Variants in ZEB2 observed in about 807,000 individuals in gnomAD.
ZEB2 encodes zinc finger E-box binding homeobox 2, also known as zinc finger E-box-binding homeobox 2.
Under a neutral mutation model 99.9 loss-of-function variants are expected in ZEB2, and 6 were observed. The observed-to-expected ratio is 0.06, with a 90% CI of 0.03 to 0.12. The LOEUF (loss-of-function observed/expected upper bound fraction) is 0.12. ZEB2 is among the 10% of genes least tolerant of loss of function. ZEB2 has a pLI of 1.00. For synonymous variants in ZEB2, 517 were observed against 542.5 expected, an observed-to-expected ratio of 0.95 and a Z score of 0.65; for missense variants, 969 against 1,502.8, an observed-to-expected ratio of 0.64 and a Z score of 5.87.
chr2:144,477,012 T>C (rs1704439366), intron 2 of ZEB2, among the ~76,000 whole-genome samples: 1 of 152,206 alleles, frequency 6.6e-6, no homozygotes, highest in Non-Finnish European at 1.5e-5. Flanking sequence ...CTCAAATAAA[T>C]ATTGTTCTTA....
At chr2:144,450,168 G>A (rs1349286285) in intron 2 of ZEB2, 2 of 151,858 alleles carry the variant, frequency 1.3e-5, no homozygotes, top group Non-Finnish European at 2.9e-5. Flanking sequence ...TATACCACTG[G>A]ATCTACTATG....
chr2:144,490,887 A>G (rs1267916759), intron 2 of ZEB2, among the ~76,000 whole-genome samples: 1 of 152,246 alleles, frequency 6.6e-6, no homozygotes, highest in Non-Finnish European at 1.5e-5. Flanking sequence ...TAATTTTCCT[A>G]AGGAATTTTA....
intron 4 of ZEB2, among the ~76,000 whole-genome samples, chr2:144,421,781 A>T (rs1453629867): frequency 3.3e-5 from 5 of 151,352 alleles, no homozygotes; most frequent in Non-Finnish European, 7.4e-5. Flanking sequence ...GTCCTGTGTG[A>T]TCTTGAACAT....
chr2:144,407,644 C>T (rs1703406423), intron 4 of ZEB2, among the ~76,000 whole-genome samples: 1 of 152,198 alleles, frequency 6.6e-6, no homozygotes, highest in African/African-American at 2.4e-5. Flanking sequence ...TTTTGAGTAA[C>T]TTCACTGATT....
rs1175345863 is a variant in ZEB2 at position 144,513,045 on chromosome 2, A to T, written c.73+4233T>A. 3.1e-6 allele frequency: 4 copies of T among 1,287,124 alleles called. No individual in the cohort carries two copies. In the African/African-American group the frequency reaches 6.1e-5, roughly 20 times the overall value. 79.7% of individuals were successfully genotyped at this position (1,287,124 alleles called of 1,614,324 possible). ...GATCCGAAGGAAACTTCCTTGTCTA[A>T]GTGTGTATGACTCTCGTTGCCCCAT... On this transcript the variant is annotated intron_variant, in intron 2 of 9. Transcript: ENST00000627532.
At chr2:144,462,710 G>A (rs1293556500) in intron 2 of ZEB2, 2 of 152,164 alleles carry the variant, frequency 1.3e-5, no homozygotes, top group Non-Finnish European at 2.9e-5. Context: ...TAACTTCAAT[G>A]CCCTCCATGA....
intron 2 of ZEB2, among the ~76,000 whole-genome samples, chr2:144,439,910 C>T (rs1703883454): frequency 6.6e-6 from 1 of 152,094 alleles, no homozygotes; most frequent in Non-Finnish European, 1.5e-5. Context: ...TTTTTTCCTT[C>T]CCCACCAGAA....
intron 4 of ZEB2, among the ~76,000 whole-genome samples, chr2:144,407,835 T>C (rs1703409249): frequency 6.6e-6 from 1 of 152,250 alleles, no homozygotes; most frequent in Admixed American, 6.5e-5. Context: ...TAAACATAGA[T>C]GGATGTACAT....
chr2:144,393,200 G>A (rs1051086666), intron 9 of ZEB2, among the ~76,000 whole-genome samples: 42 of 152,090 alleles, frequency 2.8e-4, no homozygotes, highest in Admixed American at 2.6e-3. Flanking sequence ...CATTTACATA[G>A]TGTTTCCCTC....
At chr2:144,468,434 T>G (rs1265847972) in intron 2 of ZEB2, among the ~76,000 whole-genome samples, 1 of 152,162 alleles carries the variant, frequency 6.6e-6, no homozygotes, top group African/African-American at 2.4e-5. Context: ...CTCTTTCCAG[T>G]TTTTCTTATG....
At chr2:144,454,646 T>C (rs750439244) in intron 2 of ZEB2, among the ~76,000 whole-genome samples, 1 of 152,182 alleles carries the variant, frequency 6.6e-6, no homozygotes, top group Admixed American at 6.5e-5. Flanking sequence ...TTTTGATTAA[T>C]ATTGCAGTTC....
At chr2:144,491,357 G>GA (rs200783690) in intron 2 of ZEB2, among the ~76,000 whole-genome samples, 29,024 of 90,236 alleles carry the variant, frequency 0.32, 3,188 homozygotes, top group Middle Eastern at 0.44. Context: ...CTTCTCAAGA[G>GA]AAAAAAAAAA....
intron 2 of ZEB2, chr2:144,495,193 T>C (rs1314023847): frequency 1.3e-5 from 2 of 152,224 alleles, no homozygotes; most frequent in Admixed American, 1.3e-4. Flanking sequence ...GATAACTAGT[T>C]ATTTAAGGGC....
intron 2 of ZEB2, among the ~76,000 whole-genome samples, chr2:144,469,176 C>G (rs1359421596): frequency 6.6e-6 from 1 of 151,968 alleles, no homozygotes; most frequent in Non-Finnish European, 1.5e-5. Context: ...CAAAGGCAGG[C>G]TTATAGTAAA....
At chr2:144,446,742 C>T (rs180883221) in intron 2 of ZEB2, among the ~76,000 whole-genome samples, 11 of 152,052 alleles carry the variant, frequency 7.2e-5, no homozygotes, top group Non-Finnish European at 1.5e-4. Context: ...TGGCTGGACG[C>T]GGTGGCTCAC....
chr2:144,391,441 C>T (rs1703152960), intron 9 of ZEB2, among the ~76,000 whole-genome samples: 1 of 152,154 alleles, frequency 6.6e-6, no homozygotes, highest in Non-Finnish European at 1.5e-5. Context: ...TTCTAATAAC[C>T]TACTTCAAGG....
intron 2 of ZEB2, among the ~76,000 whole-genome samples, chr2:144,439,142 A>C (rs899799777): frequency 7.2e-5 from 11 of 151,884 alleles, no homozygotes; most frequent in Admixed American, 2.0e-4. Context: ...AGAAAAAAAA[A>C]AAAAAAAAAA....
At chr2:144,454,917 C>T (rs1396274616) in intron 2 of ZEB2, 1 of 152,198 alleles carries the variant, frequency 6.6e-6, no homozygotes, top group African/African-American at 2.4e-5. Flanking sequence ...CACACACACC[C>T]TCTATGCTAA....
At chr2:144,471,506 TTCTC>T (rs778159854) in intron 2 of ZEB2, among the ~76,000 whole-genome samples, 9 of 150,700 alleles carry the variant, frequency 6.0e-5, no homozygotes, top group African/African-American at 1.5e-4. Flanking sequence ...ATGCACACTC[TTCTC>T]TCTCTCTCTC....
Sources: gnomAD v4.1 joint callset for allele counts (sites outside exome capture counted in the v4.1 genomes callset) on GRCh38, gnomAD v4.1.1 for gene constraint, MANE v1.5 for transcripts, NCBI Gene and HGNC (gene_info 2026-07-23, HGNC 2026-07-21) for gene names.